Variants in CADM2 observed in about 807,000 individuals in gnomAD.
CADM2 encodes the protein cell adhesion molecule 2.
In CADM2, 12 loss-of-function variants were observed where a neutral mutation model predicts 49.8. The observed-to-expected ratio is 0.24, with a 90% CI of 0.15 to 0.39. The LOEUF (loss-of-function observed/expected upper bound fraction) is 0.39, where lower values mean the gene tolerates loss of function less well. Ranked by LOEUF, CADM2 falls within the 10% of genes least tolerant of loss-of-function variation. The probability of loss-of-function intolerance (pLI) is 1.00; values close to 1 mark genes in which losing one functional copy is unlikely to be tolerated. For missense variants in CADM2, 378 were observed against 492.3 expected (o/e 0.77, Z 2.20); for synonymous variants, 214 against 175.4 (o/e 1.22, Z -1.74).
intron 1 of CADM2, among the ~76,000 whole-genome samples, chr3:85,080,937 T>C (rs917139718): frequency 6.6e-6 from 1 of 152,086 alleles, no homozygotes; most frequent in African/African-American, 2.4e-5. Flanking sequence ...ACATTACATA[T>C]ATAGGTCAGG....
chr3:85,745,883 GT>G (rs962310427), intron 2 of CADM2, among the ~76,000 whole-genome samples: 3 of 151,414 alleles, frequency 2.0e-5, no homozygotes, highest in South Asian at 2.1e-4. Flanking sequence ...TTTTGCCTAT[GT>G]TTTTTTTCTT....
At chr3:85,381,713 C>T (rs2033920883) in intron 1 of CADM2, among the ~76,000 whole-genome samples, 1 of 151,794 alleles carries the variant, frequency 6.6e-6, no homozygotes, top group Non-Finnish European at 1.5e-5. Flanking sequence ...AAATATTGAG[C>T]TCCTCAGTTT....
chr3:85,591,456 T>A (rs2063105697), intron 1 of CADM2, among the ~76,000 whole-genome samples: 1 of 151,996 alleles, frequency 6.6e-6, no homozygotes, highest in Non-Finnish European at 1.5e-5. Context: ...TTTGGTTTAT[T>A]TTTTGCAGAT....
chr3:85,074,699 C>A (rs1042681022), intron 1 of CADM2, among the ~76,000 whole-genome samples: 4 of 151,998 alleles, frequency 2.6e-5, no homozygotes, highest in African/African-American at 9.7e-5. Flanking sequence ...CATGATAATT[C>A]TGTTTAAATC....
At chr3:85,222,071 A>C (rs367655187) in intron 1 of CADM2, among the ~76,000 whole-genome samples, 1 of 152,162 alleles carries the variant, frequency 6.6e-6, no homozygotes, top group South Asian at 2.1e-4. Context: ...AAAGATATAC[A>C]CCATGCCATG....
intron 1 of CADM2, among the ~76,000 whole-genome samples, chr3:85,468,171 A>G: frequency 6.6e-6 from 1 of 151,498 alleles, no homozygotes; most frequent in African/African-American, 2.4e-5. Context: ...AAAAAAAAAA[A>G]AAAAAAAAAA....
At chr3:85,944,538 C>A (rs893342361) in intron 7 of CADM2, among the ~76,000 whole-genome samples, 7 of 152,090 alleles carry the variant, frequency 4.6e-5, no homozygotes, top group Non-Finnish European at 8.8e-5. Flanking sequence ...CACTCCTCAG[C>A]AAATGTAAAA....
chr3:85,960,379 T>C (rs1315758138), intron 7 of CADM2, among the ~76,000 whole-genome samples: 2 of 151,900 alleles, frequency 1.3e-5, no homozygotes, highest in Non-Finnish European at 2.9e-5. Flanking sequence ...GAGAAAATGA[T>C]TCCATGTGAT....
chr3:85,074,716 C>T (rs1314940672), intron 1 of CADM2, among the ~76,000 whole-genome samples: 1 of 152,048 alleles, frequency 6.6e-6, no homozygotes, highest in Non-Finnish European at 1.5e-5. Context: ...AATCAGCCAG[C>T]TCCCTCACTA....
chr3:85,942,148 C>T (rs542800979), intron 7 of CADM2, among the ~76,000 whole-genome samples: 69 of 151,754 alleles, frequency 4.5e-4, no homozygotes, highest in Non-Finnish European at 8.7e-4. Flanking sequence ...CACAATAACT[C>T]AATAAAGTTG....
intron 1 of CADM2, among the ~76,000 whole-genome samples, chr3:85,613,371 A>AT (rs779523135): frequency 1.9e-4 from 29 of 151,694 alleles, no homozygotes; most frequent in Non-Finnish European, 3.7e-4. Flanking sequence ...ATTGCATTAC[A>AT]TTTTTCTCAT....
At chr3:85,250,417 T>C (rs956075132) in intron 1 of CADM2, among the ~76,000 whole-genome samples, 1 of 151,596 alleles carries the variant, frequency 6.6e-6, no homozygotes, top group African/African-American at 2.4e-5. Context: ...CAAGGAAATA[T>C]TTTATTTTTT....
intron 1 of CADM2, among the ~76,000 whole-genome samples, chr3:85,660,030 T>C (rs530292346): frequency 6.6e-6 from 1 of 152,256 alleles, no homozygotes; most frequent in South Asian, 2.1e-4. Flanking sequence ...AAATTTAAAT[T>C]GTCAACTAGC....
intron 7 of CADM2, among the ~76,000 whole-genome samples, chr3:85,946,399 T>A (rs1177788454): frequency 6.6e-6 from 1 of 151,890 alleles, no homozygotes; most frequent in Non-Finnish European, 1.5e-5. Context: ...AAGCTACCAA[T>A]GACTTTCTTC....
intron 2 of CADM2, among the ~76,000 whole-genome samples, chr3:85,799,561 G>C (rs191314298): frequency 2.0e-5 from 3 of 152,280 alleles, no homozygotes; most frequent in African/African-American, 7.2e-5. Context: ...CTGTTTATGT[G>C]ATGGATTACA....
chr3:85,612,663 C>T (rs2063708561), intron 1 of CADM2, among the ~76,000 whole-genome samples: 2 of 151,424 alleles, frequency 1.3e-5, no homozygotes, highest in Admixed American at 6.6e-5. Context: ...TGAAAAAAAG[C>T]TTAAAAAGTT....
In CADM2 at chr3:84,959,002, C is replaced by T. The variant is rs1470009890; in HGVS notation, c.-606C>T. ...GTCTGGTGCTTCGTAGAGCTGCCGC[C>T]GTCGCCGCTGCCGCTGCCGCCACAG... On this transcript the variant is annotated 5_prime_UTR_variant, in exon 1 of 10. Coordinates refer to ENST00000383699, the MANE Select transcript of CADM2 (RefSeq NM_001167675.2). 2.0e-5 allele frequency: 4 copies of T among 201,488 alleles called. No individual in the cohort carries two copies. The highest frequency in any genetic ancestry group is 6.3e-5 in the Admixed American group (1 of 15,858). The allele number at this position is 201,488 out of a possible 1,614,324, so 12.5% of individuals were successfully genotyped here.
chr3:85,639,305 C>T (rs962558910), intron 1 of CADM2, among the ~76,000 whole-genome samples: 2 of 152,128 alleles, frequency 1.3e-5, no homozygotes, highest in African/African-American at 2.4e-5. Flanking sequence ...AAATAGTTTA[C>T]AATCATCAGA....
intron 1 of CADM2, among the ~76,000 whole-genome samples, chr3:85,247,347 A>T (rs936772625): frequency 2.0e-5 from 3 of 152,128 alleles, no homozygotes; most frequent in Non-Finnish European, 4.4e-5. Flanking sequence ...ATGAGAAAAG[A>T]TACATGAAAG....
Sources: gnomAD v4.1 joint callset for allele counts (sites outside exome capture counted in the v4.1 genomes callset) on GRCh38, gnomAD v4.1.1 for gene constraint, MANE v1.5 for transcripts, NCBI Gene and HGNC (gene_info 2026-07-23, HGNC 2026-07-21) for gene names.